The following HADH variants were observed in gnomAD, a reference collection of about 807,000 sequenced individuals.
HADH encodes hydroxyacyl-CoA dehydrogenase, also known as hydroxyacyl-coenzyme A dehydrogenase, mitochondrial.
A neutral mutation model predicts 32.2 loss-of-function variants in HADH; 24 were observed. That is an observed-to-expected ratio of 0.75 (90% CI 0.54 to 1.05). The LOEUF (loss-of-function observed/expected upper bound fraction) is 1.05. HADH is among the 50% of genes least tolerant of loss of function. The pLI, the probability that HADH is intolerant of heterozygous loss-of-function variation, is 0.00. For missense variants in HADH, 350 were observed against 397.1 expected (o/e 0.88, Z 1.01); for synonymous variants, 139 against 152.5 (o/e 0.91, Z 0.65).
chr4:107,992,967 AT>A (rs1192000865), intron 1 of HADH, among the ~76,000 whole-genome samples: 3 of 152,092 alleles, frequency 2.0e-5, no homozygotes, highest in Non-Finnish European at 4.4e-5. Context: ...ATACAAAAAA[AT>A]TAGCCAGCAT....
At chr4:108,004,919 T>G in intron 1 of HADH, 1 of 1,533,710 alleles carries the variant, frequency 6.5e-7, no homozygotes, top group Non-Finnish European at 8.7e-7. Flanking sequence ...GTTAAAGAGG[T>G]AAGATGACCC....
intron 3 of HADH, 58 bp from the exon 4 acceptor site, chr4:108,019,482 A>C (rs1418337846): frequency 6.6e-7 from 1 of 1,513,658 alleles, no homozygotes; most frequent in African/African-American, 1.4e-5. Flanking sequence ...TCCAAGAGTC[A>C]TGCTGTTTTG....
At chr4:108,012,902 T>C (rs1191864913) in intron 2 of HADH, among the ~76,000 whole-genome samples, 1 of 152,244 alleles carries the variant, frequency 6.6e-6, no homozygotes, top group African/African-American at 2.4e-5. Context: ...TACTTTACTT[T>C]TTACATTAAG....
intron 1 of HADH, among the ~76,000 whole-genome samples, chr4:108,005,899 G>A (rs1036131018): frequency 6.6e-6 from 1 of 152,194 alleles, no homozygotes; most frequent in African/African-American, 2.4e-5. Context: ...GAGAAGAAAG[G>A]AGGATCAAAG....
intron 2 of HADH, among the ~76,000 whole-genome samples, chr4:108,010,881 C>T (rs1735468423): frequency 7.1e-6 from 1 of 140,614 alleles, no homozygotes; most frequent in Non-Finnish European, 1.5e-5. Flanking sequence ...GAGACAGAGT[C>T]TCACTCTGTC....
chr4:108,019,568 T>C lies in HADH; in HGVS notation c.448T>C (p.Ser150Pro). ...TACAATCTTTGCCAGCAACACTTCC[T>C]CCTTGCAGATTACAAGCATAGCTAA... is the stretch of plus-strand genomic sequence containing the variant. ...EHTIFASNTS[S>P]LQITSIANAT... is the part of the protein sequence containing the mutation. The change falls in exon 4 of 8, where the codon TCC becomes CCC. Residue 150 changes from serine to proline, a missense_variant. Transcript: ENST00000309522. The C allele has an allele frequency of 6.2e-7, 1 of 1,613,842 alleles. No individual in the cohort carries two copies.
intron 6 of HADH, chr4:108,031,705 A>G (rs1736270030): frequency 6.6e-6 from 1 of 152,066 alleles, no homozygotes; most frequent in African/African-American, 2.4e-5. Flanking sequence ...TGAGTCATGA[A>G]TCTTCAGGTC....
chr4:108,020,787 G>A (rs982352995), intron 4 of HADH, among the ~76,000 whole-genome samples: 1 of 152,190 alleles, frequency 6.6e-6, no homozygotes, highest in Non-Finnish European at 1.5e-5. Context: ...TGTGGGTGAT[G>A]TGGGGCCAGG....
rs1484762428 is a variant in HADH, at chr4:107,990,075, C to T, written c.132+11C>T. On this transcript the variant is annotated intron_variant, in intron 1 of 7. Coordinates refer to ENST00000309522, the MANE Select transcript of HADH (RefSeq NM_005327.7). ...GCCGGCATTGCCCAGGTGAGCGGCC[C>T]TCCCTGCAGCGTGCCCACGCGCTTG... is the stretch of plus-strand genomic sequence containing the variant. 1 of 1,602,970 alleles carries T rather than the reference C, an allele frequency of 6.2e-7. No individual in the cohort carries two copies. The highest frequency in any genetic ancestry group is 1.1e-5 in the South Asian group (1 of 89,150).
chr4:108,032,450 T>A (rs1391483539), intron 6 of HADH: 10 of 848,770 alleles, frequency 1.2e-5, no homozygotes, highest in Non-Finnish European at 2.0e-5. Context: ...CCCAAAAAAC[T>A]GGGGGAAAGA....
intron 4 of HADH, 64 bp downstream of exon 4, chr4:108,019,730 G>A (rs1735821421): frequency 5.6e-6 from 9 of 1,597,036 alleles, no homozygotes; most frequent in African/African-American, 5.4e-5. Flanking sequence ...CTGCTTTTCT[G>A]TGTTACACCA....
chr4:108,002,681 C>T (rs1450023389), intron 1 of HADH, among the ~76,000 whole-genome samples: 2 of 152,166 alleles, frequency 1.3e-5, no homozygotes, highest in African/African-American at 2.4e-5. Context: ...ACCTTTGCTC[C>T]AGAGCATGCA....
chr4:108,005,701 G>T (rs909873202), intron 1 of HADH, among the ~76,000 whole-genome samples: 2 of 152,194 alleles, frequency 1.3e-5, no homozygotes, highest in African/African-American at 2.4e-5. Context: ...TGACCTTGGA[G>T]AACTGATTAA....
At chr4:108,033,467 A>G (rs1019901677) in intron 7 of HADH, among the ~76,000 whole-genome samples, 175 bp downstream of exon 7, 3 of 152,180 alleles carry the variant, frequency 2.0e-5, no homozygotes, top group African/African-American at 7.2e-5. Context: ...GTGACTGTCT[A>G]GTGTCTCTTT....
chr4:108,005,752 T>G (rs1031100214), intron 1 of HADH, among the ~76,000 whole-genome samples: 1 of 152,176 alleles, frequency 6.6e-6, no homozygotes, highest in African/African-American at 2.4e-5. Context: ...TGTCTGGCAT[T>G]TGGAACGCAC....
At chr4:108,009,702 C>T (rs1735416183) in intron 1 of HADH, 57 bp from the exon 2 acceptor site, 23 of 1,534,196 alleles carry the variant, frequency 1.5e-5, no homozygotes, top group Middle Eastern at 1.8e-4. Flanking sequence ...GGGGTGTGTG[C>T]GCGTGCGTGT....
chr4:108,034,438 T>C lies in HADH; in HGVS notation c.*81T>C. ...CCCGAGTGCCTGTGGGAATGCTCTT[T>C]GGTCAGACATTCCCTCACACAGTAC... is the stretch of plus-strand genomic sequence containing the variant. On this transcript the variant is annotated 3_prime_UTR_variant, in exon 8 of 8. Coordinates refer to ENST00000309522, the MANE Select transcript of HADH (RefSeq NM_005327.7). 7 of 807,946 alleles carry C rather than the reference T, an allele frequency of 8.7e-6. No individual in the cohort carries two copies. In the South Asian group the frequency reaches 9.4e-5, roughly 11 times the overall value. 50.0% of individuals were successfully genotyped at this position (807,946 alleles called of 1,614,324 possible).
In HADH at chr4:108,034,266, C is replaced by T; in HGVS notation, c.854C>T (p.Pro285Leu). 1 of 1,612,380 alleles carries T rather than the reference C, an allele frequency of 6.2e-7. No individual in the cohort carries two copies. The highest frequency in any genetic ancestry group is 8.5e-7 in the Non-Finnish European group (1 of 1,178,350). ...TGGCATGAAATGGATGCAGAGAACC[C>T]ATTACATCAGCCCAGCCCATCCTTA... is the stretch of plus-strand genomic sequence containing the variant. ...DGWHEMDAEN[P>L]LHQPSPSLNK... Residue 285 changes from proline (P) to leucine (L), a missense_variant, in exon 8 of 8, where the codon CCA (proline) becomes CTA (leucine). Pro to Leu is a moderately conservative substitution (Grantham distance 98). Coordinates refer to ENST00000309522, the MANE Select transcript of HADH (RefSeq NM_005327.7).
In HADH at chr4:108,032,354, C is replaced by T. The variant is rs183387994; in HGVS notation, c.710-822C>T. 1.0e-4 allele frequency: 160 copies of T among 1,600,010 alleles called. No homozygotes were observed. The highest frequency in any genetic ancestry group is 9.4e-4 in the South Asian group (85 of 90,042). Reference sequence around the variant, plus strand: ...TTCCAAACGTGTGGTGATTCTAACTCGGGTTTGGGCTTTTCTTTAAAAGGT... The same window carrying T: ...TTCCAAACGTGTGGTGATTCTAACTTGGGTTTGGGCTTTTCTTTAAAAGGT... On this transcript the variant is annotated intron_variant, in intron 6 of 7. Coordinates refer to ENST00000309522, the MANE Select transcript of HADH (RefSeq NM_005327.7).
Sources: gnomAD v4.1 joint callset for allele counts (sites outside exome capture counted in the v4.1 genomes callset) on GRCh38, gnomAD v4.1.1 for gene constraint, MANE v1.5 for transcripts, NCBI Gene and HGNC (gene_info 2026-07-23, HGNC 2026-07-21) for gene names.